RPH3A: variants seen among roughly 807,000 people sequenced by gnomAD.
RPH3A encodes the protein rabphilin 3A.
In RPH3A, 48 loss-of-function variants were observed where a neutral mutation model predicts 102.2. The ratio of observed to expected loss-of-function variants is 0.47; its 90% CI spans 0.37 to 0.60. The LOEUF (loss-of-function observed/expected upper bound fraction) is 0.60. RPH3A is among the 20% of genes least tolerant of loss of function. The probability of loss-of-function intolerance (pLI) is 0.00; values close to 1 mark genes in which losing one functional copy is unlikely to be tolerated. For missense variants in RPH3A, 781 were observed against 910.1 expected (o/e 0.86, Z 1.83); for synonymous variants, 310 against 324.3 (o/e 0.96, Z 0.47).
upstream of RPH3A, among the ~76,000 whole-genome samples, chr12:112,788,029 T>G (rs766158801): frequency 6.6e-6 from 1 of 152,216 alleles, no homozygotes; most frequent in Non-Finnish European, 1.5e-5. Flanking sequence ...AGTCTGGGTT[T>G]TGAGGTGTCT....
intron 5 of RPH3A, among the ~76,000 whole-genome samples, chr12:112,858,561 C>T (rs2042453131): frequency 1.3e-5 from 2 of 152,172 alleles, no homozygotes; most frequent in South Asian, 4.1e-4. Flanking sequence ...CATAGCTGCT[C>T]ATACTTGTCC....
At chr12:112,747,787 A>G (rs754053509) in intron 1 of RPH3A, among the ~76,000 whole-genome samples, 4 of 152,152 alleles carry the variant, frequency 2.6e-5, no homozygotes, top group Non-Finnish European at 5.9e-5. Context: ...AGGAATATAG[A>G]AGTTTATTTC....
At chr12:112,577,829 C>A (rs954920599) in intron 1 of RPH3A, among the ~76,000 whole-genome samples, 12 of 152,012 alleles carry the variant, frequency 7.9e-5, no homozygotes, top group African/African-American at 2.4e-4. Context: ...AGGTGTGAGC[C>A]ACTGTGCCTG....
At chr12:112,843,964 A>G (rs1445074441) in intron 4 of RPH3A, among the ~76,000 whole-genome samples, 1 of 152,138 alleles carries the variant, frequency 6.6e-6, no homozygotes. Context: ...AGGCTGAGGG[A>G]TATTGGCACA....
chr12:112,677,279 C>T (rs1444965618), intron 1 of RPH3A, among the ~76,000 whole-genome samples: 1 of 151,800 alleles, frequency 6.6e-6, no homozygotes, highest in East Asian at 1.9e-4. Context: ...ACCATGGGAC[C>T]CAGTGTCAAG....
rs369903047 is a variant in RPH3A at position 112,828,373 on chromosome 12, C to T, written c.55C>T (p.Arg19Trp). ...TAACCGTTGGATGTACCCCAGTGAC[C>T]GGCCCCTTCAATCAAAGTAAGTTGC... ...SSNRWMYPSDRPLQSNDKEQL... is the reference protein window; with the variant it reads ...SSNRWMYPSDWPLQSNDKEQL... Residue 19 changes from arginine (R) to tryptophan (W), a missense_variant, in exon 3 of 22, where the codon CGG becomes TGG. By Grantham distance (101) the Arg-to-Trp change is moderately radical. Coordinates refer to ENST00000389385, the MANE Select transcript of RPH3A (RefSeq NM_001143854.2). 3.2e-5 allele frequency: 52 copies of T among 1,604,044 alleles called. No individual in the cohort carries two copies. Among genetic ancestry groups the T allele is most frequent in the South Asian group, 6.7e-5 (6 of 89,126 alleles).
At chr12:112,733,123 A>G (rs2040645424) in intron 1 of RPH3A, among the ~76,000 whole-genome samples, 1 of 152,098 alleles carries the variant, frequency 6.6e-6, no homozygotes, top group Non-Finnish European at 1.5e-5. Context: ...ATGCTCTGCA[A>G]GTTTCAAGCA....
At chr12:112,733,866 C>G (rs992298590) in intron 1 of RPH3A, among the ~76,000 whole-genome samples, 2 of 152,120 alleles carry the variant, frequency 1.3e-5, no homozygotes, top group African/African-American at 4.8e-5. Flanking sequence ...TTCATAATTT[C>G]TAGCAAAGAA....
At chr12:112,648,130 T>C (rs2039944932) in intron 1 of RPH3A, among the ~76,000 whole-genome samples, 1 of 152,232 alleles carries the variant, frequency 6.6e-6, no homozygotes, top group Non-Finnish European at 1.5e-5. Flanking sequence ...GTTAATGTTT[T>C]AGTGTATTTC....
At chr12:112,785,692 A>G (rs2041044338) in intron 1 of RPH3A, among the ~76,000 whole-genome samples, 1 of 152,200 alleles carries the variant, frequency 6.6e-6, no homozygotes. Context: ...CTTTGCAGAC[A>G]GAGAACCTGA....
At chr12:112,577,646 C>T (rs1413231410) in intron 1 of RPH3A, among the ~76,000 whole-genome samples, 1 of 152,084 alleles carries the variant, frequency 6.6e-6, no homozygotes, top group East Asian at 1.9e-4. Flanking sequence ...TTATTTTACC[C>T]AGCCCCTATT....
chr12:112,589,471 A>G (rs2039460944), intron 1 of RPH3A, among the ~76,000 whole-genome samples: 2 of 151,802 alleles, frequency 1.3e-5, no homozygotes, highest in African/African-American at 4.8e-5. Context: ...CTGCCTCAGG[A>G]CCTTTGCACT....
rs568266907 is a variant in RPH3A at position 112,691,738 on chromosome 12, C to T, written c.-139-100405C>T. On this transcript the variant is annotated intron_variant, in intron 1 of 21. Transcript: ENST00000543106. Reference sequence around the variant, plus strand: ...GAATATCTCATTAAATGAGATAAGGCCTGGGAGCTAAAAGTAGTGATAGGA... The same window carrying T: ...GAATATCTCATTAAATGAGATAAGGTCTGGGAGCTAAAAGTAGTGATAGGA... Among the ~76,000 whole-genome samples, 6 of 152,292 alleles carry T rather than the reference C, an allele frequency of 3.9e-5. No homozygotes were observed. In the East Asian group the frequency reaches 1.2e-3, roughly 29 times the overall value.
chr12:112,853,237 C>G (rs2136198189), intron 5 of RPH3A, among the ~76,000 whole-genome samples: 1 of 152,280 alleles, frequency 6.6e-6, no homozygotes, highest in Non-Finnish European at 1.5e-5. Context: ...AACCATAAGC[C>G]AGGTCATACT....
intron 1 of RPH3A, among the ~76,000 whole-genome samples, chr12:112,707,719 G>A (rs192974774): frequency 6.1e-4 from 93 of 152,346 alleles, no homozygotes; most frequent in Non-Finnish European, 5.6e-4. Context: ...CATTTGCAGA[G>A]CAGGGAGAGA....
At chr12:112,671,322 C>G (rs931598969) in intron 1 of RPH3A, among the ~76,000 whole-genome samples, 1 of 152,198 alleles carries the variant, frequency 6.6e-6, no homozygotes, top group Admixed American at 6.5e-5. Context: ...ACCAGGATTC[C>G]AGGCACCTTC....
intron 1 of RPH3A, among the ~76,000 whole-genome samples, chr12:112,766,689 T>A (rs7138867): frequency 0.49 from 74,909 of 151,906 alleles, 19,585 homozygotes; most frequent in East Asian, 0.7. Context: ...TCAGTCATGG[T>A]TTAAGGGAAC....
intron 4 of RPH3A, among the ~76,000 whole-genome samples, chr12:112,845,534 C>A (rs374029694): frequency 3.3e-5 from 5 of 152,302 alleles, no homozygotes; most frequent in African/African-American, 1.2e-4. Context: ...TCATCTTCAC[C>A]AGGATCACAA....
chr12:112,828,356 G>T lies in RPH3A; in HGVS notation c.38G>T (p.Trp13Leu), dbSNP rs774462717. ...GTGTTCAGCAACAGTTCTAACCGTTGGATGTACCCCAGTGACCGGCCCCTT... is the reference window on the plus strand; with the variant it reads ...GTGTTCAGCAACAGTTCTAACCGTTTGATGTACCCCAGTGACCGGCCCCTT... The part of the protein sequence containing the change: ...DTVFSNSSNR[W>L]MYPSDRPLQS... Residue 13 changes from tryptophan (W) to leucine (L), a missense_variant, in exon 3 of 22, where the codon TGG becomes TTG. Trp to Leu is a moderately conservative substitution (Grantham distance 61, BLOSUM62 -2). Coordinates refer to ENST00000389385, the MANE Select transcript of RPH3A (RefSeq NM_001143854.2). The T allele has an allele frequency of 1.2e-6, 2 of 1,608,338 alleles. No individual in the cohort carries two copies. The highest frequency in any genetic ancestry group is 2.3e-5 in the East Asian group (1 of 44,378).
Sources: allele counts gnomAD v4.1 joint callset (sites outside exome capture counted in the v4.1 genomes callset), GRCh38; gene constraint gnomAD v4.1.1; transcripts MANE v1.5; gene names NCBI Gene and HGNC (gene_info 2026-07-23, HGNC 2026-07-21).